The following IDH2 variants were observed in gnomAD, a reference collection of about 807,000 sequenced individuals.
IDH2 encodes the protein isocitrate dehydrogenase (NADP(+)) 2, also known as isocitrate dehydrogenase [NADP], mitochondrial.
In IDH2, 18 loss-of-function variants were observed where a neutral mutation model predicts 50.5. The ratio of observed to expected loss-of-function variants is 0.36; its 90% CI spans 0.25 to 0.53. IDH2 has a LOEUF of 0.53. IDH2 is among the 20% of genes least tolerant of loss of function. The pLI is 0.92. For missense variants in IDH2, 518 were observed against 610.7 expected (o/e 0.85, Z 1.60); for synonymous variants, 280 against 239.8 (o/e 1.17, Z -1.55).
In IDH2 at chr15:90,087,949, C is replaced by T. The variant is rs535741252; in HGVS notation, c.679-374G>A. Among the ~76,000 whole-genome samples the T allele has an allele frequency of 2.6e-5, 4 of 152,104 alleles. No individual in the cohort carries two copies. The South Asian group carries it at 8.3e-4, about 32-fold the overall frequency. Reference sequence around the variant, plus strand: ...TTATCCAATCAGAAGCCTTTCTCCCCAGGGCCTCTGTGATTGGCTCAGAGG... The same window carrying T: ...TTATCCAATCAGAAGCCTTTCTCCCTAGGGCCTCTGTGATTGGCTCAGAGG... On this transcript the variant is annotated intron_variant, in intron 5 of 10. Transcript: ENST00000330062.
chr15:90,099,471 TG>T (rs1456895065), intron 1 of IDH2, among the ~76,000 whole-genome samples: 1 of 152,180 alleles, frequency 6.6e-6, no homozygotes, highest in Admixed American at 6.5e-5. Context: ...CTTCTCTTTT[TG>T]GGGGGAGAAG....
At chr15:90,101,571 G>C (rs965296195) in intron 1 of IDH2, among the ~76,000 whole-genome samples, 4 of 152,044 alleles carry the variant, frequency 2.6e-5, no homozygotes, top group Admixed American at 2.0e-4. Flanking sequence ...CGGGCTGCCA[G>C]GTCTCTGCGG....
Position 90,102,440 on chromosome 15 carries a change from CG to C in IDH2, c.-51del. 9.4e-7 allele frequency: 1 copy of C among 1,062,688 alleles called. No homozygotes were observed. The highest frequency in any genetic ancestry group is 3.7e-5 in the South Asian group (1 of 26,764). The allele number at this position is 1,062,688 out of a possible 1,614,324, so 65.8% of individuals were successfully genotyped here. ...GGGCGGGAGAGGTCCGAGCGCGCGC[CG>C]CTCCTCCCGGCTGCCTGGCCGCGGG... is the stretch of plus-strand genomic sequence containing the variant. On this transcript the variant is annotated 5_prime_UTR_variant, in exon 1 of 11. Coordinates refer to ENST00000330062, the MANE Select transcript of IDH2 (RefSeq NM_002168.4).
intron 3 of IDH2, 96 bp downstream of exon 3, chr15:90,090,383 T>A: frequency 7.4e-7 from 1 of 1,354,512 alleles, no homozygotes; most frequent in Non-Finnish European, 1.0e-6. Context: ...AGTCCCGAGA[T>A]GAGTGACATG....
chr15:90,088,498 T>G lies in IDH2; in HGVS notation c.539A>C (p.Lys180Thr). 1 of 1,614,218 alleles carries G rather than the reference T, an allele frequency of 6.2e-7. No homozygotes were observed. Among genetic ancestry groups the G allele is most frequent in the Non-Finnish European group, 8.5e-7 (1 of 1,180,034 alleles). ...IGRHAHGDQYKATDFVADRAG... is the reference protein window; with the variant it reads ...IGRHAHGDQYTATDFVADRAG... ...CCGGTCTGCCACAAAGTCTGTGGCC[T>G]TGTACTGCAGAGACAAGAGGATGGC... The change falls in exon 5 of 11, where the codon AAG becomes ACG. Residue 180 changes from lysine (K) to threonine (T), a missense_variant. By Grantham distance (78) the Lys-to-Thr change is moderately conservative. This residue lies in a region of IDH2 where 207 missense variants were observed against 208.6 expected (regional missense o/e 0.99). Coordinates refer to ENST00000330062, the MANE Select transcript of IDH2 (RefSeq NM_002168.4).
Position 90,084,839 on chromosome 15 carries a change from C to T in IDH2, c.1248G>A (p.Ala416=), listed in dbSNP as rs373630212. The change falls in exon 10 of 11, where the codon GCG becomes GCA. Residue 416 remains alanine, a synonymous_variant. Coordinates refer to ENST00000330062, the MANE Select transcript of IDH2 (RefSeq NM_002168.4). The surrounding 1 kb of genome is among the most constrained non-coding windows in gnomAD (Gnocchi z 5.0). ...VESGAMTKDL[A]GCIHGLSNVK... ...ACTTGCTGAGGCCGTGAATGCAGCC[C>T]GCCAGGTCCTTGGTCATGGCTCCAC... 5.9e-5 allele frequency: 95 copies of T among 1,613,938 alleles called. No individual in the cohort carries two copies. Among genetic ancestry groups the T allele is most frequent in the African/African-American group, 9.3e-5 (7 of 75,016 alleles).
intron 2 of IDH2, among the ~76,000 whole-genome samples, 163 bp downstream of exon 2, chr15:90,091,390 C>T (rs937979908): frequency 6.6e-6 from 1 of 152,218 alleles, no homozygotes; most frequent in Non-Finnish European, 1.5e-5. Context: ...ATTAGTGGAC[C>T]AGATGTGAAA....
intron 5 of IDH2, among the ~76,000 whole-genome samples, chr15:90,088,083 C>T (rs912990382): frequency 6.6e-6 from 1 of 151,940 alleles, no homozygotes; most frequent in Non-Finnish European, 1.5e-5. Context: ...TGCTCGTGGC[C>T]ATTTCTTTTC....
intron 1 of IDH2, among the ~76,000 whole-genome samples, chr15:90,099,950 T>C (rs1208839628): frequency 6.6e-6 from 1 of 152,070 alleles, no homozygotes; most frequent in African/African-American, 2.4e-5. Context: ...GTCAAAGACA[T>C]AAATAAAGGT....
Position 90,100,741 on chromosome 15 carries a change from A to G in IDH2, c.115+1535T>C. 1.3e-6 allele frequency: 1 copy of G among 744,382 alleles called. No homozygotes were observed. Among genetic ancestry groups the G allele is most frequent in the Non-Finnish European group, 1.6e-6 (1 of 609,798 alleles). The allele number at this position is 744,382 out of a possible 1,614,324, so 46.1% of individuals were successfully genotyped here. On this transcript the variant is annotated intron_variant, in intron 1 of 10. Transcript: ENST00000330062. The surrounding 1 kb of genome is among the most constrained non-coding windows in gnomAD (Gnocchi z 4.1). ...GTATTCTGTCTCCAGCTGCGTTGCCAGGTAACAAGCTGGCAGAGTCGCAAC... is the reference window on the plus strand; with the variant it reads ...GTATTCTGTCTCCAGCTGCGTTGCCGGGTAACAAGCTGGCAGAGTCGCAAC...
At chr15:90,086,261 G>A (rs548390694) in intron 7 of IDH2, among the ~76,000 whole-genome samples, 4 of 152,276 alleles carry the variant, frequency 2.6e-5, no homozygotes, top group South Asian at 4.1e-4. Flanking sequence ...GCCCTGGTAA[G>A]CTTAGGTTTC....
chr15:90,100,596 G>T lies in IDH2; in HGVS notation c.115+1680C>A, dbSNP rs1387001340. 1 of 984,416 alleles carries T rather than the reference G, an allele frequency of 1.0e-6. No homozygotes were observed. The highest frequency in any genetic ancestry group is 1.2e-6 in the Non-Finnish European group (1 of 829,000). The allele number at this position is 984,416 out of a possible 1,614,324, so 61.0% of individuals were successfully genotyped here. A position where few individuals can be genotyped will look rare whatever the true frequency, so the allele number is the denominator to read the frequency against. On this transcript the variant is annotated intron_variant, in intron 1 of 10. Coordinates refer to ENST00000330062, the MANE Select transcript of IDH2 (RefSeq NM_002168.4). The surrounding 1 kb of genome is among the most constrained non-coding windows in gnomAD (Gnocchi z 4.1). Reference sequence around the variant, plus strand: ...CTTACCAGAAACATCACCAGCAGTCGCTGGAAGCCTATGGCGTTGCAAAAT... The same window carrying T: ...CTTACCAGAAACATCACCAGCAGTCTCTGGAAGCCTATGGCGTTGCAAAAT...
chr15:90,087,327 T>G, intron 6 of IDH2, 64 bp from the exon 7 acceptor site: 2 of 1,612,552 alleles, frequency 1.2e-6, no homozygotes, highest in Non-Finnish European at 1.7e-6. Context: ...GATCCCTCCC[T>G]GAGCCTCGGA....
chr15:90,102,305 G>A lies in IDH2; in HGVS notation c.86C>T (p.Pro29Leu), dbSNP rs1315214325. ...PAWAPAALTA[P>L]TSQEQPRRHY... The stretch of plus-strand genomic sequence containing the variant: ...GCGCCGCGGCTGCTCTTGCGAGGTG[G>A]GGGCTGTCAGGGCCGCCGGCGCCCA... Residue 29 changes from proline to leucine, a missense_variant, in exon 1 of 11, where the codon CCC (proline) becomes CTC (leucine). Physicochemically the swap from Pro to Leu is moderately conservative, Grantham distance 98 (BLOSUM62 -3). Around this residue, in one of 5 missense-constraint regions of IDH2, gnomAD observed 85 missense variants for 66.9 expected, o/e 1.27. Coordinates refer to ENST00000330062, the MANE Select transcript of IDH2 (RefSeq NM_002168.4). The A allele has an allele frequency of 3.7e-6, 5 of 1,352,338 alleles. No individual in the cohort carries two copies. Among genetic ancestry groups the A allele is most frequent in the African/African-American group, 1.5e-5 (1 of 66,418 alleles). The allele number at this position is 1,352,338 out of a possible 1,614,324, so 83.8% of individuals were successfully genotyped here. A position where few individuals can be genotyped will look rare whatever the true frequency, so the allele number is the denominator to read the frequency against.
At position 90,083,300 on chromosome 15, in the gene IDH2, T is replaced by C. The variant is rs1280132514; in HGVS notation, c.*966A>G. On this transcript the variant is annotated 3_prime_UTR_variant, in exon 11 of 11. Transcript: ENST00000330062. ...GGTGCGCATCACCACGCCTGGCTAATTTTTGTATTTTGAGTAGAGATGGGG... is the reference window on the plus strand; with the variant it reads ...GGTGCGCATCACCACGCCTGGCTAACTTTTGTATTTTGAGTAGAGATGGGG... 2 of 151,844 alleles carry C rather than the reference T, an allele frequency of 1.3e-5. No homozygotes were observed. Among genetic ancestry groups the C allele is most frequent in the African/African-American group, 4.8e-5 (2 of 41,392 alleles). The allele number at this position is 151,844 out of a possible 1,614,324, so 9.4% of individuals were successfully genotyped here.
chr15:90,101,071 G>T (rs1470250651), intron 1 of IDH2, among the ~76,000 whole-genome samples: 2 of 152,124 alleles, frequency 1.3e-5, no homozygotes, highest in South Asian at 2.1e-4. Flanking sequence ...GAACCTGGGA[G>T]TTGTTGGGCA....
At position 90,084,745 on chromosome 15, in the gene IDH2, G is replaced by A. The variant is rs557231017; in HGVS notation, c.1271+71C>T. On this transcript the variant is annotated intron_variant, in intron 10 of 10. Transcript: ENST00000330062. This position sits in a 1 kb window ranked among gnomAD's most constrained non-coding sequence, Gnocchi z 5.0. ...TGCAGCTAAGCTGACTCATGAGGGG[G>A]ACTTTAGGAGGGGTCCCCTGGCTTC... The A allele has an allele frequency of 2.9e-5, 36 of 1,233,136 alleles. No homozygotes were observed. In the East Asian group the frequency reaches 7.2e-4, roughly 25 times the overall value. The allele number at this position is 1,233,136 out of a possible 1,614,324, so 76.4% of individuals were successfully genotyped here. A position where few individuals can be genotyped will look rare whatever the true frequency, so the allele number is the denominator to read the frequency against.
rs781532315 is a variant in IDH2 at position 90,090,652 on chromosome 15, C to CAG, written c.208-10_208-9dup. On this transcript the variant is annotated splice_polypyrimidine_tract_variant and intron_variant, in intron 2 of 10. Coordinates refer to ENST00000330062, the MANE Select transcript of IDH2 (RefSeq NM_002168.4). ...CACGTGGGGCAGGATGAGCTGGGGA[C>CAG]AGAGGGCCAGAGCAAGGCGTCACCC... is the stretch of plus-strand genomic sequence containing the variant. 6.2e-7 allele frequency: 1 copy of CAG among 1,614,008 alleles called. No homozygotes were observed. The highest frequency in any genetic ancestry group is 8.5e-7 in the Non-Finnish European group (1 of 1,179,988).
intron 5 of IDH2, 96 bp from the exon 6 acceptor site, chr15:90,087,671 C>A (rs561924891): frequency 2.1e-6 from 3 of 1,424,568 alleles, no homozygotes; most frequent in African/African-American, 2.8e-5. Context: ...TCTCCAGGAA[C>A]GGTACCCCGC....
Sources: allele counts gnomAD v4.1 joint callset (sites outside exome capture counted in the v4.1 genomes callset), GRCh38; gene constraint gnomAD v4.1.1; regional missense constraint gnomAD v4.1.1; non-coding constraint Gnocchi (gnomAD v3.1); transcripts MANE v1.5; gene names NCBI Gene and HGNC (gene_info 2026-07-23, HGNC 2026-07-21).